The following ZFYVE28 variants were observed in gnomAD, a reference collection of about 807,000 sequenced individuals.
ZFYVE28 encodes the protein lateral signaling target protein 2 homolog.
ZFYVE28 carries 40 observed loss-of-function variants against 82.1 expected under a neutral mutation model. That is an observed-to-expected ratio of 0.49 (90% CI 0.38 to 0.63). The LOEUF (loss-of-function observed/expected upper bound fraction) is 0.63, where lower values mean the gene tolerates loss of function less well. ZFYVE28 is among the 30% of genes least tolerant of loss of function. The pLI is 0.00. For synonymous variants in ZFYVE28, 612 were observed against 546.1 expected (o/e 1.12, Z -1.68); for missense variants, 1,321 against 1,242.1 (o/e 1.06, Z -0.96).
chr4:2,380,380 T>C (rs1039463348), intron 1 of ZFYVE28, among the ~76,000 whole-genome samples: 1 of 152,228 alleles, frequency 6.6e-6, no homozygotes, highest in Non-Finnish European at 1.5e-5. Flanking sequence ...AGGAACTTCC[T>C]GCCACTCCAA....
At chr4:2,350,486 A>G (rs943371932) in intron 2 of ZFYVE28, among the ~76,000 whole-genome samples, 19 of 151,898 alleles carry the variant, frequency 1.3e-4, no homozygotes, top group Non-Finnish European at 2.8e-4. Context: ...AGAAAGAAAG[A>G]AAGTATGATA....
intron 2 of ZFYVE28, among the ~76,000 whole-genome samples, chr4:2,344,457 G>C (rs1036982698): frequency 6.6e-6 from 1 of 152,176 alleles, no homozygotes; most frequent in East Asian, 1.9e-4. Flanking sequence ...CTCTGGTCCT[G>C]CCTAACACCT....
At chr4:2,380,629 T>C (rs530891484) in intron 1 of ZFYVE28, among the ~76,000 whole-genome samples, 3 of 152,346 alleles carry the variant, frequency 2.0e-5, no homozygotes, top group African/African-American at 7.2e-5. Context: ...TATACTCTCG[T>C]AATTCCCACG....
In ZFYVE28 at chr4:2,372,421, G is replaced by T. The variant is rs544423232; in HGVS notation, c.40-18348C>A. Reference sequence around the variant, plus strand: ...TTCTAGTCCTCAGCATGCCCAGCAGGTTCCAGTGCTGGGTCTTTGGCCTCA... The same window carrying T: ...TTCTAGTCCTCAGCATGCCCAGCAGTTTCCAGTGCTGGGTCTTTGGCCTCA... On this transcript the variant is annotated intron_variant, in intron 1 of 12. Coordinates refer to ENST00000290974, the MANE Select transcript of ZFYVE28 (RefSeq NM_020972.3). This position sits in a 1 kb window ranked among gnomAD's most constrained non-coding sequence, Gnocchi z 5.2. Among the ~76,000 whole-genome samples, 2 of 151,966 alleles carry T rather than the reference G, an allele frequency of 1.3e-5. No homozygotes were observed. Among genetic ancestry groups the T allele is most frequent in the East Asian group, 1.9e-4 (1 of 5,144 alleles).
At chr4:2,355,282 C>CTT (rs71167786) in intron 1 of ZFYVE28, among the ~76,000 whole-genome samples, 3 of 35,896 alleles carry the variant, frequency 8.4e-5, no homozygotes, top group African/African-American at 1.7e-4. Flanking sequence ...AATGATTCTT[C>CTT]TTTTTTTTTT....
chr4:2,401,903 AACC>A, intron 1 of ZFYVE28, among the ~76,000 whole-genome samples: 2 of 152,226 alleles, frequency 1.3e-5, no homozygotes, highest in Admixed American at 1.3e-4. Flanking sequence ...TTTCAAACAA[AACC>A]AGTTCACTTG....
chr4:2,366,848 G>A (rs1210241932), intron 1 of ZFYVE28, among the ~76,000 whole-genome samples: 1 of 152,256 alleles, frequency 6.6e-6, no homozygotes, highest in African/African-American at 2.4e-5. Flanking sequence ...CTCCTTACAG[G>A]AGAAACAGCT....
rs1444185195 is a variant in ZFYVE28 at position 2,416,252 on chromosome 4, C to T, written c.39+2033G>A. 6.6e-6 allele frequency among the ~76,000 whole-genome samples: 1 copy of T among 152,222 alleles called. No individual in the cohort carries two copies. The highest frequency in any genetic ancestry group is 1.5e-5 in the Non-Finnish European group (1 of 68,044). ...CTTCCCTAAACGGAAACAGACAAGG[C>T]CATCCTGAAATTACTCAGCTACTCA... On this transcript the variant is annotated intron_variant, in intron 1 of 12. Coordinates refer to ENST00000290974, the MANE Select transcript of ZFYVE28 (RefSeq NM_020972.3). The surrounding 1 kb of genome is among the most constrained non-coding windows in gnomAD (Gnocchi z 4.6).
intron 5 of ZFYVE28, among the ~76,000 whole-genome samples, chr4:2,336,873 G>A (rs1721851463): frequency 7.5e-6 from 1 of 133,088 alleles, no homozygotes; most frequent in Admixed American, 7.4e-5. Flanking sequence ...GGAGGGAGGA[G>A]GTGAAGAGTG....
chr4:2,369,765 C>T (rs558159944), intron 1 of ZFYVE28, among the ~76,000 whole-genome samples: 2 of 151,962 alleles, frequency 1.3e-5, no homozygotes, highest in South Asian at 4.2e-4. Context: ...CTCAGAGCCC[C>T]CAAAAGAAAC....
intron 1 of ZFYVE28, among the ~76,000 whole-genome samples, chr4:2,412,041 T>C (rs1437814657): frequency 6.6e-6 from 1 of 151,980 alleles, no homozygotes; most frequent in African/African-American, 2.4e-5. Flanking sequence ...TGGCAGCATC[T>C]CCCCCCTGGG....
At chr4:2,392,245 G>A (rs1272094956) in intron 1 of ZFYVE28, among the ~76,000 whole-genome samples, 1 of 151,890 alleles carries the variant, frequency 6.6e-6, no homozygotes, top group Non-Finnish European at 1.5e-5. Flanking sequence ...GCAGCTCCCT[G>A]AGGGAGAAAC....
At chr4:2,338,240 C>T (rs921710898) in intron 4 of ZFYVE28, among the ~76,000 whole-genome samples, 5 of 152,246 alleles carry the variant, frequency 3.3e-5, no homozygotes, top group Non-Finnish European at 2.9e-5. Flanking sequence ...GGCTCTGAGA[C>T]GTGAAGGCTT....
intron 7 of ZFYVE28, among the ~76,000 whole-genome samples, chr4:2,316,686 T>G (rs563649515): frequency 6.9e-6 from 1 of 145,434 alleles, no homozygotes; most frequent in African/African-American, 2.6e-5. Context: ...ATCAGATATA[T>G]TTTCTTGTCT....
Position 2,394,416 on chromosome 4 carries a change from C to T in ZFYVE28, c.39+23869G>A, listed in dbSNP as rs1016928457. ...GCCACACCTGCTCCAATGCCTGGACCTGGAGGGCTCCTTCACGTTGCCAGC... is the reference window on the plus strand; with the variant it reads ...GCCACACCTGCTCCAATGCCTGGACTTGGAGGGCTCCTTCACGTTGCCAGC... On this transcript the variant is annotated intron_variant, in intron 1 of 12. Transcript: ENST00000290974. This position sits in a 1 kb window ranked among gnomAD's most constrained non-coding sequence, Gnocchi z 4.0. Among the ~76,000 whole-genome samples, 1 of 152,176 alleles carries T rather than the reference C, an allele frequency of 6.6e-6. No homozygotes were observed. Among genetic ancestry groups the T allele is most frequent in the Admixed American group, 6.5e-5 (1 of 15,276 alleles).
chr4:2,302,622 C>T (rs543537147), intron 8 of ZFYVE28, among the ~76,000 whole-genome samples: 1 of 152,382 alleles, frequency 6.6e-6, no homozygotes, highest in South Asian at 2.1e-4. Flanking sequence ...ATTCCGCTCA[C>T]AGGGATCCAC....
At chr4:2,303,811 G>A (rs138025536) in intron 8 of ZFYVE28, among the ~76,000 whole-genome samples, 85 of 152,352 alleles carry the variant, frequency 5.6e-4, no homozygotes, top group Non-Finnish European at 9.9e-4. Flanking sequence ...ACGGGTCTGC[G>A]TCTCGTTTCA....
At chr4:2,390,289 A>ACACCTACATC (rs1729693115) in intron 1 of ZFYVE28, among the ~76,000 whole-genome samples, 1 of 152,150 alleles carries the variant, frequency 6.6e-6, no homozygotes, top group Non-Finnish European at 1.5e-5. Flanking sequence ...AGCCCTGCCG[A>ACACCTACATC]CACCTACATC....
At chr4:2,314,969 C>G (rs2108832889) in intron 7 of ZFYVE28, among the ~76,000 whole-genome samples, 1 of 152,148 alleles carries the variant, frequency 6.6e-6, no homozygotes, top group East Asian at 1.9e-4. Context: ...AACTAGAGAG[C>G]CTCACTATGT....
Sources: allele counts gnomAD v4.1 joint callset (sites outside exome capture counted in the v4.1 genomes callset), GRCh38; gene constraint gnomAD v4.1.1; non-coding constraint Gnocchi (gnomAD v3.1); transcripts MANE v1.5; gene names NCBI Gene and HGNC (gene_info 2026-07-23, HGNC 2026-07-21).